Variants in MYBPC1 observed in about 807,000 individuals in gnomAD.
MYBPC1 encodes the protein myosin binding protein C1.
A neutral mutation model predicts 147.1 loss-of-function variants in MYBPC1; 52 were observed. The ratio of observed to expected loss-of-function variants is 0.35; its 90% CI spans 0.28 to 0.45. The LOEUF (loss-of-function observed/expected upper bound fraction) is 0.45. Ranked by LOEUF, MYBPC1 falls within the 20% of genes least tolerant of loss-of-function variation. MYBPC1 has a pLI of 1.00. For synonymous variants in MYBPC1, 477 were observed against 475.9 expected (o/e 1.00, Z -0.03); for missense variants, 1,228 against 1,440.3 (o/e 0.85, Z 2.39).
chr12:101,646,198 T>C (rs1012362855), intron 12 of MYBPC1, among the ~76,000 whole-genome samples: 5 of 152,180 alleles, frequency 3.3e-5, no homozygotes, highest in Admixed American at 3.3e-4. Flanking sequence ...TGATTTTTAT[T>C]TGAAATAAAA....
intron 9 of MYBPC1, among the ~76,000 whole-genome samples, chr12:101,635,089 G>A (rs963588314): frequency 2.0e-5 from 3 of 152,096 alleles, no homozygotes; most frequent in Non-Finnish European, 2.9e-5. Context: ...TATAATATTG[G>A]ATTATCCTAA....
At chr12:101,595,176 A>C (rs1181854273) in intron 1 of MYBPC1, 81 bp downstream of exon 1, 59 of 1,203,416 alleles carry the variant, frequency 4.9e-5, no homozygotes, top group Non-Finnish European at 6.9e-5. Flanking sequence ...CAAATAACAA[A>C]TATCTTAACT....
At chr12:101,627,978 A>C (rs1889014710) in intron 5 of MYBPC1, 174 bp downstream of exon 5, 1 of 735,984 alleles carries the variant, frequency 1.4e-6, no homozygotes. Flanking sequence ...GAAACAATTA[A>C]TTTTGCATGA....
At chr12:101,671,096 A>G (rs949359025) in intron 24 of MYBPC1, among the ~76,000 whole-genome samples, 23 of 152,130 alleles carry the variant, frequency 1.5e-4, no homozygotes, top group Non-Finnish European at 5.9e-5. Context: ...GAAATGTTCT[A>G]TATCAATGCT....
In MYBPC1 at chr12:101,614,542, ACACT is replaced by A. The variant is rs1167423471; in HGVS notation, c.61+19_61+22del. On this transcript the variant is annotated intron_variant, in intron 2 of 31. Coordinates refer to ENST00000361466, the MANE Select transcript of MYBPC1 (RefSeq NM_002465.4). ...CCCCACCCCCGGAAGGTGAGTAAAAACACTCACTCACACACGTTTGGGCTGCAAA... is the reference window on the plus strand; with the variant it reads ...CCCCACCCCCGGAAGGTGAGTAAAAACACTCACACACGTTTGGGCTGCAAA... 2 of 1,612,874 alleles carry A rather than the reference ACACT, an allele frequency of 1.2e-6. No homozygotes were observed. The highest frequency in any genetic ancestry group is 2.2e-5 in the East Asian group (1 of 44,816).
intron 15 of MYBPC1, 163 bp from the exon 16 acceptor site, chr12:101,651,068 A>G (rs536820306): frequency 3.0e-5 from 24 of 800,622 alleles, no homozygotes; most frequent in Non-Finnish European, 4.9e-5. Context: ...ATTGTACAGA[A>G]TCAAATGTGA....
chr12:101,656,725 A>T (rs185292718), intron 18 of MYBPC1, among the ~76,000 whole-genome samples: 1 of 152,312 alleles, frequency 6.6e-6, no homozygotes, highest in Non-Finnish European at 1.5e-5. Flanking sequence ...ACGGCAATGA[A>T]AAATAGATGC....
chr12:101,673,400 C>G, intron 24 of MYBPC1, 27 bp from the exon 25 acceptor site: 1 of 1,605,926 alleles, frequency 6.2e-7, no homozygotes, highest in Non-Finnish European at 8.5e-7. Flanking sequence ...GATTTACCCT[C>G]TCTACTTTTG....
downstream of MYBPC1, among the ~76,000 whole-genome samples, chr12:101,687,326 T>A (rs149566529): frequency 9.1e-3 from 1,381 of 152,256 alleles, 21 homozygotes; most frequent in African/African-American, 0.03. Flanking sequence ...ATGCGGTGTT[T>A]GTTTTTTTGT....
At chr12:101,598,898 C>G (rs1409654477) in intron 1 of MYBPC1, among the ~76,000 whole-genome samples, 1 of 152,144 alleles carries the variant, frequency 6.6e-6, no homozygotes, top group Non-Finnish European at 1.5e-5. Flanking sequence ...CTGTCAGATA[C>G]TATAAAACCC....
rs1014228643 is a variant in MYBPC1, at chr12:101,614,636, A to G, written c.61+105A>G. ...TGCTGTGAGCTGTGAGCTTTAACCT[A>G]ACTCCTACTGAGAAGTTGGATGGTG... is the stretch of plus-strand genomic sequence containing the variant. On this transcript the variant is annotated intron_variant, in intron 2 of 31. Coordinates refer to ENST00000361466, the MANE Select transcript of MYBPC1 (RefSeq NM_002465.4). 9 of 1,149,636 alleles carry G rather than the reference A, an allele frequency of 7.8e-6. No individual in the cohort carries two copies. The Admixed American group carries it at 9.7e-5, about 12-fold the overall frequency. 71.2% of individuals were successfully genotyped at this position (1,149,636 alleles called of 1,614,324 possible).
chr12:101,644,315 G>A (rs1169208097), intron 11 of MYBPC1, among the ~76,000 whole-genome samples: 1 of 152,202 alleles, frequency 6.6e-6, no homozygotes, highest in East Asian at 1.9e-4. Flanking sequence ...GGGATTACAG[G>A]AGTGAGCCAC....
At chr12:101,620,277 G>GA (rs1396597025) in intron 3 of MYBPC1, among the ~76,000 whole-genome samples, 31 of 152,232 alleles carry the variant, frequency 2.0e-4, no homozygotes, top group African/African-American at 7.2e-4. Flanking sequence ...TCCTGGCTTA[G>GA]AATTCTTTCA....
Position 101,685,580 on chromosome 12 carries a change from A to G in MYBPC1, c.*20-2A>G. ...GTCTGTTTTCCTTTTGGTCCTCTCT[A>G]GGTGGGCTCTCCTTCTGCAGACTCC... On this transcript the variant is annotated splice_acceptor_variant, in intron 31 of 31. Coordinates refer to ENST00000361466, the MANE Select transcript of MYBPC1 (RefSeq NM_002465.4). LOFTEE classifies it low-confidence loss of function (3UTR_SPLICE). The G allele has an allele frequency of 1.3e-6, 2 of 1,522,368 alleles. No individual in the cohort carries two copies. The highest frequency in any genetic ancestry group is 3.4e-4 in the Middle Eastern group (2 of 5,962). 94.3% of individuals were successfully genotyped at this position (1,522,368 alleles called of 1,614,324 possible). A position where few individuals can be genotyped will look rare whatever the true frequency, so the allele number is the denominator to read the frequency against.
chr12:101,624,674 G>A (rs966109269), intron 3 of MYBPC1, among the ~76,000 whole-genome samples: 1 of 124,596 alleles, frequency 8.0e-6, no homozygotes, highest in East Asian at 2.6e-4. Flanking sequence ...ATACAAGCCC[G>A]GCTAATTAAT....
At chr12:101,682,879 A>G (rs192702921) in intron 30 of MYBPC1, among the ~76,000 whole-genome samples, 6 of 152,342 alleles carry the variant, frequency 3.9e-5, no homozygotes, top group Non-Finnish European at 5.9e-5. Context: ...AAAGCTACAT[A>G]CCATACCACA....
chr12:101,628,643 AG>A (rs914693105), intron 5 of MYBPC1, among the ~76,000 whole-genome samples: 5 of 152,228 alleles, frequency 3.3e-5, no homozygotes, highest in African/African-American at 9.6e-5. Flanking sequence ...GCTCAGAGAC[AG>A]GGGAAATATC....
At chr12:101,636,875 T>C (rs1246194847) in intron 10 of MYBPC1, 147 bp downstream of exon 10, 3 of 685,404 alleles carry the variant, frequency 4.4e-6, no homozygotes, top group African/African-American at 3.6e-5. Flanking sequence ...CAGAGTTGAC[T>C]AGAAAGAGAG....
intron 1 of MYBPC1, among the ~76,000 whole-genome samples, chr12:101,597,640 T>C (rs1877875613): frequency 6.6e-6 from 1 of 152,202 alleles, no homozygotes; most frequent in Non-Finnish European, 1.5e-5. Context: ...TTTAGACTCT[T>C]GGAATATGCT....
Sources: gnomAD v4.1 joint callset for allele counts (sites outside exome capture counted in the v4.1 genomes callset) on GRCh38, gnomAD v4.1.1 for gene constraint, MANE v1.5 for transcripts, NCBI Gene and HGNC (gene_info 2026-07-23, HGNC 2026-07-21) for gene names.